DEPDC5: variants seen among roughly 807,000 people sequenced by gnomAD.
DEPDC5 encodes the protein DEP domain containing 5, GATOR1 subcomplex subunit, also known as GATOR1 complex protein DEPDC5.
In DEPDC5, 73 loss-of-function variants were observed where a neutral mutation model predicts 217.3. The observed-to-expected ratio is 0.34, with a 90% CI of 0.28 to 0.41. The LOEUF (loss-of-function observed/expected upper bound fraction) is 0.41. Among genes scored for constraint, DEPDC5 ranks in the 10% least tolerant of loss-of-function variants. The pLI, the probability that DEPDC5 is intolerant of heterozygous loss-of-function variation, is 1.00. For synonymous variants in DEPDC5, 733 were observed against 756.7 expected (o/e 0.97, Z 0.51); for missense variants, 1,675 against 2,070.1 (o/e 0.81, Z 3.70).
rs375345554 is a variant in DEPDC5, at chr22:31,778,133, A to G, written c.448A>G (p.Lys150Glu). The G allele has an allele frequency of 6.2e-7, 1 of 1,614,066 alleles. No individual in the cohort carries two copies. Among genetic ancestry groups the G allele is most frequent in the Non-Finnish European group, 8.5e-7 (1 of 1,180,030 alleles). The change falls in exon 8 of 43, where the codon AAG becomes GAG. Residue 150 changes from lysine to glutamate, a missense_variant. Physicochemically the swap from Lys to Glu is moderately conservative, Grantham distance 56 (BLOSUM62 1). Coordinates refer to ENST00000651528, the MANE Select transcript of DEPDC5 (RefSeq NM_001242896.3). Reference sequence around the variant, plus strand: ...TGGTGAACTGTGGGTTAAGAATGAGAAGGTCATGTGTGGCTACATCAGTGA... The same window carrying G: ...TGGTGAACTGTGGGTTAAGAATGAGGAGGTCATGTGTGGCTACATCAGTGA... The part of the protein sequence containing the change: ...QAGELWVKNE[K>E]VMCGYISEDT...
chr22:31,802,723 C>T lies in DEPDC5; in HGVS notation c.966C>T (p.Ile322=). 6.3e-7 allele frequency: 1 copy of T among 1,586,920 alleles called. No homozygotes were observed. The highest frequency in any genetic ancestry group is 8.6e-7 in the Non-Finnish European group (1 of 1,167,380). ...TTCTAGTGTTTGATAAGCACTACAT[C>T]AACCGCAACTTTGACCGAACTGGGC... ...LSFNVFDKHY[I]NRNFDRTGQM... Residue 322 remains isoleucine (I), a synonymous_variant, in exon 15 of 43, where the codon ATC becomes ATT. Coordinates refer to ENST00000651528, the MANE Select transcript of DEPDC5 (RefSeq NM_001242896.3).
intron 31 of DEPDC5, 141 bp from the exon 32 acceptor site, chr22:31,857,304 A>G (rs943342973): frequency 1.5e-6 from 1 of 647,996 alleles, no homozygotes; most frequent in South Asian, 2.0e-5. Flanking sequence ...TAAGGGTATC[A>G]TGAAGGTCTG....
chr22:31,884,216 C>G lies in DEPDC5; in HGVS notation c.4033+4464C>G, dbSNP rs549609103. Among the ~76,000 whole-genome samples the G allele has an allele frequency of 5.9e-5, 9 of 152,306 alleles. No homozygotes were observed. In the East Asian group the frequency reaches 9.6e-4, roughly 16 times the overall value. On this transcript the variant is annotated intron_variant, in intron 38 of 42. Coordinates refer to ENST00000651528, the MANE Select transcript of DEPDC5 (RefSeq NM_001242896.3). The stretch of plus-strand genomic sequence containing the variant: ...GTCTGTCCCCACTCTTCTGCCTCCC[C>G]CTGATGCAGCATCTCCACCTGCACA...
At chr22:31,875,591 CAA>C (rs953229422) in intron 36 of DEPDC5, 1 of 142,098 alleles carries the variant, frequency 7.0e-6, no homozygotes, top group Non-Finnish European at 1.5e-5. Context: ...AGAGAAGTGT[CAA>C]ATTTGTGAAA....
intron 14 of DEPDC5, among the ~76,000 whole-genome samples, chr22:31,801,423 A>G (rs950836180): frequency 6.6e-6 from 1 of 152,202 alleles, no homozygotes; most frequent in Non-Finnish European, 1.5e-5. Flanking sequence ...TCCTTTTTTA[A>G]GGGGAACCAT....
At chr22:31,878,123 G>A (rs1017001975) in intron 37 of DEPDC5, among the ~76,000 whole-genome samples, 2 of 151,508 alleles carry the variant, frequency 1.3e-5, no homozygotes, top group African/African-American at 4.9e-5. Flanking sequence ...GGATGTGGAG[G>A]TTGCAGTGAG....
chr22:31,907,506 G>T lies in DEPDC5; in HGVS notation c.*1009G>T, dbSNP rs1372434803. ...GGGTTCAAGCGATTCTCCTGTCTCG[G>T]CCTCCCGAGTAGCTGGGATTACAGG... On this transcript the variant is annotated 3_prime_UTR_variant, in exon 43 of 43. Coordinates refer to ENST00000651528, the MANE Select transcript of DEPDC5 (RefSeq NM_001242896.3). The T allele has an allele frequency of 6.6e-6, 1 of 152,036 alleles. No individual in the cohort carries two copies. The highest frequency in any genetic ancestry group is 1.5e-5 in the Non-Finnish European group (1 of 68,084). The allele number at this position is 152,036 out of a possible 1,614,324, so 9.4% of individuals were successfully genotyped here.
In DEPDC5 at chr22:31,821,485, GTTCTTTATC is replaced by G. The variant is rs1272360358; in HGVS notation, c.1871-15_1871-7del. The stretch of plus-strand genomic sequence containing the variant: ...TATCAGGTGGGAATGATGCTCAGTG[GTTCTTTATC>G]TGGGTAGGGCCATCCGGAGAAGCCA... On this transcript the variant is annotated splice_region_variant and splice_polypyrimidine_tract_variant and intron_variant, in intron 22 of 42. Transcript: ENST00000651528. 1.2e-6 allele frequency: 2 copies of G among 1,613,490 alleles called. No individual in the cohort carries two copies. The highest frequency in any genetic ancestry group is 3.3e-5 in the Admixed American group (2 of 59,984).
intron 34 of DEPDC5, 150 bp downstream of exon 34, chr22:31,870,894 A>G (rs1421202142): frequency 2.5e-6 from 2 of 807,180 alleles, no homozygotes; most frequent in African/African-American, 3.6e-5. Context: ...CCTTAACCAC[A>G]TCTGTATGAT....
chr22:31,761,110 T>A (rs1210235682), intron 4 of DEPDC5, among the ~76,000 whole-genome samples: 1 of 152,042 alleles, frequency 6.6e-6, no homozygotes, highest in Non-Finnish European at 1.5e-5. Context: ...GCCTCCCAAG[T>A]AGCTGGGACT....
chr22:31,771,992 GGA>G (rs1363252148), intron 7 of DEPDC5, among the ~76,000 whole-genome samples: 3 of 151,974 alleles, frequency 2.0e-5, no homozygotes, highest in African/African-American at 7.3e-5. Flanking sequence ...CTAAATCCAG[GGA>G]GGTTCAAGGC....
chr22:31,842,094 G>A (rs761845383), intron 27 of DEPDC5, among the ~76,000 whole-genome samples: 2 of 152,246 alleles, frequency 1.3e-5, no homozygotes, highest in Admixed American at 6.5e-5. Flanking sequence ...GAGGAACAAC[G>A]TTTGAGCCCT....
chr22:31,854,847 C>G (rs2092207630), intron 31 of DEPDC5, among the ~76,000 whole-genome samples: 1 of 151,910 alleles, frequency 6.6e-6, no homozygotes, highest in Non-Finnish European at 1.5e-5. Context: ...GAGCTACTTT[C>G]TTTAACAAAT....
intron 37 of DEPDC5, among the ~76,000 whole-genome samples, chr22:31,877,478 AC>A (rs1399128404): frequency 7.3e-6 from 1 of 136,810 alleles, no homozygotes; most frequent in Non-Finnish European, 1.6e-5. Flanking sequence ...CAGGCCGGGC[AC>A]AGTGGCTCAC....
At chr22:31,801,495 A>G (rs1266998374) in intron 14 of DEPDC5, among the ~76,000 whole-genome samples, 3 of 152,282 alleles carry the variant, frequency 2.0e-5, no homozygotes, top group Non-Finnish European at 2.9e-5. Context: ...ATTGTTTGCA[A>G]ATAACAGAGA....
intron 3 of DEPDC5, among the ~76,000 whole-genome samples, chr22:31,759,355 G>T (rs112797876): frequency 0.069 from 9,149 of 132,446 alleles, 296 homozygotes; most frequent in Non-Finnish European, 0.08. Context: ...ATACCGAGCC[G>T]TTTTTTTTGT....
At chr22:31,791,627 C>CAAA (rs142053932) in intron 10 of DEPDC5, among the ~76,000 whole-genome samples, 3 of 62,108 alleles carry the variant, frequency 4.8e-5, no homozygotes, top group African/African-American at 1.2e-4. Flanking sequence ...GAGACTGCCT[C>CAAA]AAAAAAAAAA....
chr22:31,872,326 A>C (rs938919815), intron 34 of DEPDC5, among the ~76,000 whole-genome samples: 1 of 152,194 alleles, frequency 6.6e-6, no homozygotes, highest in Non-Finnish European at 1.5e-5. Context: ...GTCAGTTTCA[A>C]AGGGTCGGTG....
At chr22:31,848,781 T>G (rs1277904199) in intron 31 of DEPDC5, among the ~76,000 whole-genome samples, 1 of 152,212 alleles carries the variant, frequency 6.6e-6, no homozygotes, top group South Asian at 2.1e-4. Flanking sequence ...GGTTTTTCTT[T>G]TCTGTCACAT....
Sources: gnomAD v4.1 joint callset for allele counts (sites outside exome capture counted in the v4.1 genomes callset) on GRCh38, gnomAD v4.1.1 for gene constraint, MANE v1.5 for transcripts, NCBI Gene and HGNC (gene_info 2026-07-23, HGNC 2026-07-21) for gene names.